The following ITPRID2 variants were observed in gnomAD, a reference collection of about 807,000 sequenced individuals.
ITPRID2 encodes the protein ITPR interacting domain containing 2.
A neutral mutation model predicts 124.3 loss-of-function variants in ITPRID2; 60 were observed. The observed-to-expected ratio is 0.48, with a 90% confidence interval of 0.39 to 0.60. The LOEUF is 0.60. Among genes scored for constraint, ITPRID2 ranks in the 20% least tolerant of loss-of-function variants. The probability of loss-of-function intolerance (pLI) is 0.00; values close to 1 mark genes in which losing one functional copy is unlikely to be tolerated. For missense variants in ITPRID2, 1,553 were observed against 1,512.2 expected, an observed-to-expected ratio of 1.03 and a Z score of -0.45; for synonymous variants, 521 against 542.9, an observed-to-expected ratio of 0.96 and a Z score of 0.56.
chr2:181,896,884 TGA>T lies in ITPRID2; in HGVS notation c.308-22_308-21del, dbSNP rs750798152. ...GGTGGAGAGGAACAGAACACCAGGA[TGA>T]GTTTTCAAATGTGTCTTTCAGGTGT... On this transcript the variant is annotated intron_variant, in intron 3 of 17. Coordinates refer to ENST00000431877, the MANE Select transcript of ITPRID2 (RefSeq NM_001130445.3). The surrounding 1 kb of genome is among the most constrained non-coding windows in gnomAD (Gnocchi z 4.3). 3 of 1,602,562 alleles carry T rather than the reference TGA, an allele frequency of 1.9e-6. No homozygotes were observed. In the East Asian group the frequency reaches 6.7e-5, roughly 36 times the overall value.
Position 181,916,292 on chromosome 2 carries a change from T to G in ITPRID2, c.2652T>G (p.Pro884=). Residue 884 remains proline, a synonymous_variant, in exon 11 of 18, where the codon CCT becomes CCG. Transcript: ENST00000431877. ...CTACTTGTAGTGCCTTCGCTTCCCC[T>G]TTCGGGTGTCCTTACTCACATAGAC... ...SGATCSAFAS[P]FGCPYSHRHA... The G allele has an allele frequency of 1.2e-6, 2 of 1,614,202 alleles. No homozygotes were observed. The highest frequency in any genetic ancestry group is 1.7e-6 in the Non-Finnish European group (2 of 1,180,034).
Position 181,892,734 on chromosome 2 carries a change from G to C in ITPRID2, c.257+74G>C. On this transcript the variant is annotated intron_variant, in intron 2 of 17. Coordinates refer to ENST00000431877, the MANE Select transcript of ITPRID2 (RefSeq NM_001130445.3). The surrounding 1 kb of genome is among the most constrained non-coding windows in gnomAD (Gnocchi z 5.2). ...GGGACGCCGGAGCAGAGCCACTCGG[G>C]CCGCGTCCCTGTGGGTCCCGCGACC... 1.3e-6 allele frequency: 2 copies of C among 1,575,598 alleles called. No homozygotes were observed. The highest frequency in any genetic ancestry group is 1.7e-6 in the Non-Finnish European group (2 of 1,147,284).
chr2:181,928,034 A>G (rs1283886095), intron 16 of ITPRID2, 127 bp from the exon 17 acceptor site: 4 of 628,844 alleles, frequency 6.4e-6, no homozygotes, highest in African/African-American at 1.9e-5. Flanking sequence ...CCCTCTCTGT[A>G]TTGCAGGGAG....
In ITPRID2 at chr2:181,902,538, A is replaced by G; in HGVS notation, c.1413+72A>G. ...AAAAAGTACCAAAAATGCTTATAAA[A>G]TGAGAGGTAGCTAATAGATTTATAC... is the stretch of plus-strand genomic sequence containing the variant. On this transcript the variant is annotated intron_variant, in intron 8 of 17. Coordinates refer to ENST00000431877, the MANE Select transcript of ITPRID2 (RefSeq NM_001130445.3). The surrounding 1 kb of genome is among the most constrained non-coding windows in gnomAD (Gnocchi z 4.4). 1 of 1,132,506 alleles carries G rather than the reference A, an allele frequency of 8.8e-7. No homozygotes were observed. The highest frequency in any genetic ancestry group is 1.2e-6 in the Non-Finnish European group (1 of 804,262). 70.2% of individuals were successfully genotyped at this position (1,132,506 alleles called of 1,614,324 possible).
chr2:181,929,753 TA>T lies in ITPRID2; in HGVS notation c.*209del, dbSNP rs961180530. On this transcript the variant is annotated 3_prime_UTR_variant, in exon 18 of 18. Coordinates refer to ENST00000431877, the MANE Select transcript of ITPRID2 (RefSeq NM_001130445.3). ...CTTAGGCACTTTGCTATTTCTTTTCTAAACTATCAAAAACTCTAGCAGTTTG... is the reference window on the plus strand; with the variant it reads ...CTTAGGCACTTTGCTATTTCTTTTCTAACTATCAAAAACTCTAGCAGTTTG... The T allele has an allele frequency of 5.4e-6, 4 of 741,560 alleles. No homozygotes were observed. In the Admixed American group the frequency reaches 1.2e-4, roughly 22 times the overall value. The allele number at this position is 741,560 out of a possible 1,614,324, so 45.9% of individuals were successfully genotyped here. A position where few individuals can be genotyped will look rare whatever the true frequency, so the allele number is the denominator to read the frequency against.
In ITPRID2 at chr2:181,892,816, TAG is replaced by T. The variant is rs1691870928; in HGVS notation, c.257+158_257+159del. The T allele has an allele frequency of 2.5e-6, 2 of 802,940 alleles. No homozygotes were observed. Among genetic ancestry groups the T allele is most frequent in the Non-Finnish European group, 4.0e-6 (2 of 497,248 alleles). 49.7% of individuals were successfully genotyped at this position (802,940 alleles called of 1,614,324 possible). A position where few individuals can be genotyped will look rare whatever the true frequency, so the allele number is the denominator to read the frequency against. ...CGGATAGCTTCCTCCTCTAAGCGAT[TAG>T]AAATGGAAGTGCTGTGACCGCTGAT... is the stretch of plus-strand genomic sequence containing the variant. On this transcript the variant is annotated intron_variant, in intron 2 of 17. Coordinates refer to ENST00000431877, the MANE Select transcript of ITPRID2 (RefSeq NM_001130445.3). The surrounding 1 kb of genome is among the most constrained non-coding windows in gnomAD (Gnocchi z 5.2).
In ITPRID2 at chr2:181,905,458, G is replaced by A. The variant is rs901576450; in HGVS notation, c.1413+2992G>A. 2.6e-5 allele frequency among the ~76,000 whole-genome samples: 4 copies of A among 152,024 alleles called. No homozygotes were observed. The highest frequency in any genetic ancestry group is 2.0e-4 in the Admixed American group (3 of 15,252). Reference sequence around the variant, plus strand: ...TTCTTGAATGGCTTATTTTGAATACGTCATGGTAACTCTCTGAAGCCATAG... The same window carrying A: ...TTCTTGAATGGCTTATTTTGAATACATCATGGTAACTCTCTGAAGCCATAG... On this transcript the variant is annotated intron_variant, in intron 8 of 17. Coordinates refer to ENST00000431877, the MANE Select transcript of ITPRID2 (RefSeq NM_001130445.3). The surrounding 1 kb of genome is among the most constrained non-coding windows in gnomAD (Gnocchi z 4.1).
At chr2:181,913,661 G>C (rs149274087) in intron 9 of ITPRID2, among the ~76,000 whole-genome samples, 184 bp from the exon 10 acceptor site, 63 of 152,226 alleles carry the variant, frequency 4.1e-4, no homozygotes, top group Non-Finnish European at 4.6e-4. Context: ...GTTACCTCCT[G>C]TACTTTGAAG....
intron 2 of ITPRID2, chr2:181,893,865 T>G (rs2125057573): frequency 6.6e-6 from 1 of 152,320 alleles, no homozygotes; most frequent in African/African-American, 2.4e-5. Context: ...ACTAAAATAG[T>G]CTATAATGTA....
chr2:181,929,686 G>A lies in ITPRID2; in HGVS notation c.*139G>A, dbSNP rs1381363078. 6.9e-7 allele frequency: 1 copy of A among 1,444,258 alleles called. No individual in the cohort carries two copies. Among genetic ancestry groups the A allele is most frequent in the Non-Finnish European group, 9.5e-7 (1 of 1,054,858 alleles). 89.5% of individuals were successfully genotyped at this position (1,444,258 alleles called of 1,614,324 possible). On this transcript the variant is annotated 3_prime_UTR_variant, in exon 18 of 18. Transcript: ENST00000431877. ...GGCTACTGTATACAGTGTACAATGT[G>A]TATTTCTTCAACCATATATTTTAAA...
chr2:181,918,887 A>G lies in ITPRID2; in HGVS notation c.2993+5A>G. On this transcript the variant is annotated splice_donor_5th_base_variant and intron_variant, in intron 13 of 17. Transcript: ENST00000431877. The stretch of plus-strand genomic sequence containing the variant: ...TCATATGACTGAGGAGGAGAGGTAA[A>G]AGTTCATTTTGTCTTAGCACACCTC... 2 of 1,613,068 alleles carry G rather than the reference A, an allele frequency of 1.2e-6. No homozygotes were observed. Among genetic ancestry groups the G allele is most frequent in the Non-Finnish European group, 8.5e-7 (1 of 1,179,802 alleles).
chr2:181,909,353 G>A (rs1693415064), intron 8 of ITPRID2, among the ~76,000 whole-genome samples: 1 of 152,162 alleles, frequency 6.6e-6, no homozygotes, highest in Admixed American at 6.5e-5. Flanking sequence ...TATTTTCAAA[G>A]ATGCGAGACT....
Position 181,929,276 on chromosome 2 carries a change from A to G in ITPRID2, c.*14-285A>G, listed in dbSNP as rs568903976. Reference sequence around the variant, plus strand: ...GAATAGAACTAAAAATATTCATTGAATAAGACATGAGAAACAAATGTAATT... The same window carrying G: ...GAATAGAACTAAAAATATTCATTGAGTAAGACATGAGAAACAAATGTAATT... On this transcript the variant is annotated intron_variant, in intron 17 of 17. Coordinates refer to ENST00000431877, the MANE Select transcript of ITPRID2 (RefSeq NM_001130445.3). Among the ~76,000 whole-genome samples the G allele has an allele frequency of 1.0e-3, 156 of 152,098 alleles. 1 individual carries two copies. The highest frequency in any genetic ancestry group is 3.5e-3 in the African/African-American group (144 of 41,544).
chr2:181,898,132 T>C lies in ITPRID2; in HGVS notation c.365-748T>C, dbSNP rs543805025. On this transcript the variant is annotated intron_variant, in intron 4 of 17. Transcript: ENST00000431877. ...AGGCTATTTCCATTCATTAAGTAAA[T>C]AATTACTGAGTGCTGTGAGTTAGGC... 3.5e-4 allele frequency among the ~76,000 whole-genome samples: 54 copies of C among 152,158 alleles called. 1 individual carries two copies. In the South Asian group the frequency reaches 9.7e-3, roughly 27 times the overall value.
At chr2:181,918,407 G>A (rs951779513) in intron 11 of ITPRID2, 191 bp from the exon 12 acceptor site, 31 of 1,370,450 alleles carry the variant, frequency 2.3e-5, no homozygotes, top group Non-Finnish European at 2.7e-5. Flanking sequence ...CTTATACCTG[G>A]AACAGCTAGC....
chr2:181,922,547 T>A lies in ITPRID2; in HGVS notation c.3675+135T>A, dbSNP rs1362875578. 1.4e-5 allele frequency: 12 copies of A among 878,730 alleles called. No individual in the cohort carries two copies. The Admixed American group carries it at 3.4e-4, about 25-fold the overall frequency. The allele number at this position is 878,730 out of a possible 1,614,324, so 54.4% of individuals were successfully genotyped here. ...ATTTTCACAGAGCTTTTAAATTAGCTTTCCTGTTGATCAAGTTTGTGTCAA... is the reference window on the plus strand; with the variant it reads ...ATTTTCACAGAGCTTTTAAATTAGCATTCCTGTTGATCAAGTTTGTGTCAA... On this transcript the variant is annotated intron_variant, in intron 16 of 17. Transcript: ENST00000431877.
intron 11 of ITPRID2, 155 bp downstream of exon 11, chr2:181,916,582 C>A: frequency 9.9e-7 from 1 of 1,011,846 alleles, no homozygotes; most frequent in Non-Finnish European, 1.4e-6. Context: ...CGTTTTCTAT[C>A]TTCCCTCCTG....
In ITPRID2 at chr2:181,896,901, C is replaced by G. The variant is rs996087646; in HGVS notation, c.308-7C>G. On this transcript the variant is annotated splice_region_variant and splice_polypyrimidine_tract_variant and intron_variant, in intron 3 of 17. Transcript: ENST00000431877. This position sits in a 1 kb window ranked among gnomAD's most constrained non-coding sequence, Gnocchi z 4.3. ...CACCAGGATGAGTTTTCAAATGTGT[C>G]TTTCAGGTGTGCTTGTGAGAAATGG... 6 of 1,611,564 alleles carry G rather than the reference C, an allele frequency of 3.7e-6. No individual in the cohort carries two copies. The highest frequency in any genetic ancestry group is 5.1e-6 in the Non-Finnish European group (6 of 1,178,126).
rs767764674 is a variant in ITPRID2, at chr2:181,916,449, C to G, written c.2787+22C>G. The G allele has an allele frequency of 1.9e-6, 3 of 1,597,146 alleles. No homozygotes were observed. In the African/African-American group the frequency reaches 4.0e-5, roughly 21 times the overall value. ...ACAGGTATGAGAAAAAGTATGTTAT[C>G]ATTAGCTTTTTTCTTTTACTGCTCT... On this transcript the variant is annotated intron_variant, in intron 11 of 17. Coordinates refer to ENST00000431877, the MANE Select transcript of ITPRID2 (RefSeq NM_001130445.3).
Sources: allele counts gnomAD v4.1 joint callset (sites outside exome capture counted in the v4.1 genomes callset), GRCh38; gene constraint gnomAD v4.1.1; non-coding constraint Gnocchi (gnomAD v3.1); transcripts MANE v1.5; gene names NCBI Gene and HGNC (gene_info 2026-07-23, HGNC 2026-07-21).